The following CACNA2D1 variants were observed in gnomAD, a reference collection of about 807,000 sequenced individuals.
CACNA2D1 encodes the protein calcium voltage-gated channel auxiliary subunit alpha2delta 1.
In CACNA2D1, 53 loss-of-function variants were observed where a neutral mutation model predicts 171.5. That is an observed-to-expected ratio of 0.31 (90% CI 0.25 to 0.39). CACNA2D1 has a LOEUF of 0.39. Among genes scored for constraint, CACNA2D1 ranks in the 10% least tolerant of loss-of-function variants. The pLI is 1.00. For synonymous variants in CACNA2D1, 442 were observed against 443.1 expected, an observed-to-expected ratio of 1.00 and a Z score of 0.03; for missense variants, 903 against 1,299.8, an observed-to-expected ratio of 0.69 and a Z score of 4.69.
At chr7:82,118,626 A>G (rs1584812153) in intron 5 of CACNA2D1, among the ~76,000 whole-genome samples, 1 of 152,210 alleles carries the variant, frequency 6.6e-6, no homozygotes, top group East Asian at 1.9e-4. Context: ...TAATATTATA[A>G]AGCTTGTCTT....
intron 3 of CACNA2D1, among the ~76,000 whole-genome samples, chr7:82,260,533 T>C (rs1429429824): frequency 6.6e-6 from 1 of 152,214 alleles, no homozygotes; most frequent in African/African-American, 2.4e-5. Flanking sequence ...TTTTGAAATA[T>C]GACTTTAAAG....
intron 5 of CACNA2D1, among the ~76,000 whole-genome samples, chr7:82,124,781 C>T (rs139897224): frequency 6.6e-6 from 1 of 152,192 alleles, no homozygotes; most frequent in East Asian, 1.9e-4. Context: ...AGGACCTGGA[C>T]ACCCTCCACC....
intron 3 of CACNA2D1, among the ~76,000 whole-genome samples, chr7:82,317,820 G>C (rs1212370530): frequency 6.6e-6 from 1 of 151,936 alleles, no homozygotes; most frequent in Admixed American, 6.6e-5. Context: ...AAATTATAAA[G>C]CTCCAATAAA....
Position 81,950,403 on chromosome 7 carries a change from G to C in CACNA2D1, c.3265C>G (p.Arg1089Gly). 2 of 1,613,064 alleles carry C rather than the reference G, an allele frequency of 1.2e-6. No homozygotes were observed. Among genetic ancestry groups the C allele is most frequent in the Non-Finnish European group, 1.7e-6 (2 of 1,179,486 alleles). Residue 1089 changes from arginine to glycine, a missense_variant, in exon 39 of 39, where the codon CGC becomes GGC. Around this residue, in one of 5 missense-constraint regions of CACNA2D1, gnomAD observed 38 missense variants for 29.2 expected, o/e 1.30. Transcript: ENST00000356860. ...LLWLVSGSTH[R>G]LL ...TGGTTTTTAGAAGGTCATAACAGGC[G>C]GTGTGTGCTGCCAGATACCAGCCAA...
At chr7:82,419,082 C>T (rs1448179221) in intron 1 of CACNA2D1, among the ~76,000 whole-genome samples, 3 of 150,910 alleles carry the variant, frequency 2.0e-5, no homozygotes, top group African/African-American at 7.3e-5. Flanking sequence ...TGCACTCCAA[C>T]CAGGGTGACA....
chr7:82,322,153 A>T (rs902295509), intron 3 of CACNA2D1, among the ~76,000 whole-genome samples: 4 of 135,906 alleles, frequency 2.9e-5, no homozygotes, highest in African/African-American at 1.1e-4. Context: ...AAAAAAAAAA[A>T]ACAAGCTAAG....
At chr7:82,113,529 G>A (rs1788685816) in intron 6 of CACNA2D1, among the ~76,000 whole-genome samples, 2 of 152,088 alleles carry the variant, frequency 1.3e-5, no homozygotes, top group South Asian at 4.1e-4. Flanking sequence ...ATATCATTGA[G>A]CAGAAATAAT....
At chr7:82,036,946 G>A (rs1803350471) in intron 11 of CACNA2D1, among the ~76,000 whole-genome samples, 1 of 152,086 alleles carries the variant, frequency 6.6e-6, no homozygotes, top group South Asian at 2.1e-4. Flanking sequence ...CGTGTGGTTT[G>A]CTACATGCCA....
chr7:82,015,053 A>G (rs1800280621), intron 12 of CACNA2D1, among the ~76,000 whole-genome samples: 1 of 152,092 alleles, frequency 6.6e-6, no homozygotes, highest in South Asian at 2.1e-4. Flanking sequence ...ACTCCATTTC[A>G]AAAAAAGAAA....
chr7:82,270,537 T>C lies in CACNA2D1; in HGVS notation c.294+64598A>G, dbSNP rs77086987. Reference sequence around the variant, plus strand: ...GTTTCCAGTTAAGGACTATTGTGAATAAAAATGTGTATCTGTTGGGAGACA... The same window carrying C: ...GTTTCCAGTTAAGGACTATTGTGAACAAAAATGTGTATCTGTTGGGAGACA... On this transcript the variant is annotated intron_variant, in intron 3 of 38. Transcript: ENST00000356860. Among the ~76,000 whole-genome samples, 1,375 of 152,256 alleles carry C rather than the reference T, an allele frequency of 9.0e-3. 20 individuals carry two copies. The highest frequency in any genetic ancestry group is 0.032 in the African/African-American group (1,319 of 41,556).
chr7:81,994,476 G>A (rs377254886), intron 20 of CACNA2D1, among the ~76,000 whole-genome samples: 1 of 151,724 alleles, frequency 6.6e-6, no homozygotes, highest in East Asian at 1.9e-4. Flanking sequence ...GAATAAAAAG[G>A]CAAATCATGT....
chr7:82,056,009 T>TTAAA (rs377698178), intron 10 of CACNA2D1, among the ~76,000 whole-genome samples: 4 of 42,196 alleles, frequency 9.5e-5, no homozygotes, highest in Non-Finnish European at 1.6e-4. Flanking sequence ...ACTCAAAAGT[T>TTAAA]AAAAAAAAAA....
intron 1 of CACNA2D1, among the ~76,000 whole-genome samples, chr7:82,403,038 G>A (rs1642173190): frequency 6.6e-6 from 1 of 152,054 alleles, no homozygotes; most frequent in African/African-American, 2.4e-5. Flanking sequence ...GGGTGGAAGG[G>A]GAATGGAAGG....
chr7:82,376,544 A>G lies in CACNA2D1; in HGVS notation c.96-26895T>C, dbSNP rs529754160. Among the ~76,000 whole-genome samples, 3 of 152,382 alleles carry G rather than the reference A, an allele frequency of 2.0e-5. No homozygotes were observed. In the East Asian group the frequency reaches 5.8e-4, roughly 29 times the overall value. The stretch of plus-strand genomic sequence containing the variant: ...GGCATCTTATTAATTCAGTAGGGTC[A>G]GCAATGATTAAACTCTTCTCATCTG... On this transcript the variant is annotated intron_variant, in intron 1 of 38. Transcript: ENST00000356860.
intron 4 of CACNA2D1, among the ~76,000 whole-genome samples, chr7:82,164,951 C>T (rs1309748315): frequency 6.6e-6 from 1 of 151,670 alleles, no homozygotes; most frequent in Non-Finnish European, 1.5e-5. Flanking sequence ...GTTCAAAAAC[C>T]CTCTTTTGAC....
intron 3 of CACNA2D1, among the ~76,000 whole-genome samples, chr7:82,255,562 A>G (rs1296199087): frequency 6.6e-6 from 1 of 152,228 alleles, no homozygotes; most frequent in Non-Finnish European, 1.5e-5. Flanking sequence ...CATACTCTAT[A>G]CATTATCTGC....
intron 3 of CACNA2D1, among the ~76,000 whole-genome samples, chr7:82,181,688 T>A (rs1797155830): frequency 1.3e-5 from 2 of 152,178 alleles, no homozygotes; most frequent in South Asian, 4.1e-4. Flanking sequence ...AACTACAACT[T>A]ACGTGTTCTA....
chr7:82,231,462 C>A (rs79398263), intron 3 of CACNA2D1, among the ~76,000 whole-genome samples: 11,890 of 152,138 alleles, frequency 0.078, 621 homozygotes, highest in Non-Finnish European at 0.1. Context: ...TGACATTCAC[C>A]ATTCACATTT....
At position 81,991,244 on chromosome 7, in the gene CACNA2D1, T is replaced by G. The variant is rs1463648829; in HGVS notation, c.1737A>C (p.Arg579Ser). ...FRTLVKSQDE[R>S]YIDKGNRTYT... The stretch of plus-strand genomic sequence containing the variant: ...ATGTCCTGTTTCCTTTGTCAATATA[T>G]CTCTAGAAAGAAGTTTAACGTGGTT... Residue 579 changes from arginine (R) to serine (S), a missense_variant and splice_region_variant, in exon 21 of 39, where the codon AGA becomes AGC. Arg to Ser is a moderately radical substitution (Grantham distance 110). Around this residue, in one of 5 missense-constraint regions of CACNA2D1, gnomAD observed 623 missense variants for 925.5 expected, o/e 0.67. Transcript: ENST00000356860. The G allele has an allele frequency of 6.7e-7, 1 of 1,487,672 alleles. No homozygotes were observed. Among genetic ancestry groups the G allele is most frequent in the Non-Finnish European group, 9.4e-7 (1 of 1,065,132 alleles). The allele number at this position is 1,487,672 out of a possible 1,614,324, so 92.2% of individuals were successfully genotyped here.
Sources: gnomAD v4.1 joint callset for allele counts (sites outside exome capture counted in the v4.1 genomes callset) on GRCh38, gnomAD v4.1.1 for gene constraint, gnomAD v4.1.1 regional missense constraint, MANE v1.5 for transcripts, NCBI Gene and HGNC (gene_info 2026-07-23, HGNC 2026-07-21) for gene names.